Variants in NTRK3 observed in about 807,000 individuals in gnomAD.
NTRK3 encodes neurotrophic receptor tyrosine kinase 3.
Under a neutral mutation model 91.7 loss-of-function variants are expected in NTRK3, and 24 were observed. That is an observed-to-expected ratio of 0.26 (90% CI 0.19 to 0.37). The LOEUF (loss-of-function observed/expected upper bound fraction) is 0.37. NTRK3 is among the 10% of genes least tolerant of loss of function. The probability of loss-of-function intolerance (pLI) is 1.00; values close to 1 mark genes in which losing one functional copy is unlikely to be tolerated. For missense variants in NTRK3, 880 were observed against 1,068.9 expected (o/e 0.82, Z 2.46); for synonymous variants, 483 against 404.0 (o/e 1.20, Z -2.34).
intron 14 of NTRK3, among the ~76,000 whole-genome samples, chr15:87,966,893 G>A (rs995625700): frequency 3.3e-5 from 5 of 152,140 alleles, no homozygotes; most frequent in Admixed American, 1.3e-4. Context: ...GTTTCTCAAC[G>A]TTAATACTGT....
At chr15:88,126,575 T>G (rs764598592) in intron 12 of NTRK3, among the ~76,000 whole-genome samples, 55 of 152,332 alleles carry the variant, frequency 3.6e-4, no homozygotes, top group Non-Finnish European at 7.1e-4. Context: ...TTACCCAATT[T>G]GATTAGAGAA....
At chr15:87,937,670 C>T (rs551036413) in intron 15 of NTRK3, among the ~76,000 whole-genome samples, 58 of 152,020 alleles carry the variant, frequency 3.8e-4, no homozygotes, top group African/African-American at 1.3e-3. Context: ...GAAGATAAAT[C>T]AATTTTATTA....
chr15:87,914,737 T>C lies in NTRK3; in HGVS notation c.2133+14454A>G, dbSNP rs181421028. On this transcript the variant is annotated intron_variant, in intron 17 of 18. Coordinates refer to ENST00000394480, the Ensembl canonical transcript of NTRK3. ...GGGATTGACCCACTGGGTAAGGAAA[T>C]GACCAACTACAAGAACAAACCGGGC... Among the ~76,000 whole-genome samples, 170 of 152,088 alleles carry C rather than the reference T, an allele frequency of 1.1e-3. 2 individuals carry two copies. Among genetic ancestry groups the C allele is most frequent in the African/African-American group, 3.9e-3 (160 of 41,484 alleles).
chr15:88,077,468 C>A (rs2047651143), intron 13 of NTRK3, among the ~76,000 whole-genome samples: 1 of 152,092 alleles, frequency 6.6e-6, no homozygotes. Flanking sequence ...CACGCCTCCC[C>A]ATGGGAGTTT....
chr15:88,084,664 G>C (rs976823849), intron 13 of NTRK3, among the ~76,000 whole-genome samples: 2 of 152,082 alleles, frequency 1.3e-5, no homozygotes, highest in African/African-American at 2.4e-5. Context: ...CTCACCTTGT[G>C]AGTCTCCTCT....
intron 14 of NTRK3, among the ~76,000 whole-genome samples, chr15:88,002,454 A>G (rs1461776646): frequency 6.6e-6 from 1 of 152,066 alleles, no homozygotes; most frequent in African/African-American, 2.4e-5. Flanking sequence ...ATTGCTAGGA[A>G]CTACAGAGGG....
chr15:88,091,714 G>A (rs1381671259), intron 13 of NTRK3, among the ~76,000 whole-genome samples: 2 of 152,192 alleles, frequency 1.3e-5, no homozygotes, highest in African/African-American at 4.8e-5. Flanking sequence ...TGGACACAAG[G>A]GTGGGAGATG....
At chr15:88,053,392 A>C (rs940790607) in intron 13 of NTRK3, among the ~76,000 whole-genome samples, 4 of 152,218 alleles carry the variant, frequency 2.6e-5, no homozygotes, top group Non-Finnish European at 5.9e-5. Flanking sequence ...AGTGGACTTA[A>C]GAGGGTTCCT....
At chr15:88,134,441 C>A (rs1245019175) in intron 10 of NTRK3, among the ~76,000 whole-genome samples, 4 of 152,196 alleles carry the variant, frequency 2.6e-5, no homozygotes, top group Non-Finnish European at 5.9e-5. Flanking sequence ...GACATTAGCA[C>A]TATCATAAGC....
At chr15:87,914,708 G>T (rs1439887339) in intron 17 of NTRK3, among the ~76,000 whole-genome samples, 1 of 152,154 alleles carries the variant, frequency 6.6e-6, no homozygotes, top group Non-Finnish European at 1.5e-5. Context: ...AGATCAGGAA[G>T]TTGGGGATTG....
chr15:88,100,892 A>G (rs982447784), intron 13 of NTRK3, among the ~76,000 whole-genome samples: 1 of 152,366 alleles, frequency 6.6e-6, no homozygotes, highest in East Asian at 1.9e-4. Context: ...CTTAAATGTT[A>G]GACCTAAAAC....
chr15:88,194,005 C>A (rs569393625), intron 3 of NTRK3, among the ~76,000 whole-genome samples: 2 of 152,330 alleles, frequency 1.3e-5, no homozygotes, highest in South Asian at 2.1e-4. Flanking sequence ...ACTGAAACTG[C>A]ACTGTCAAGG....
At chr15:88,114,519 A>G (rs904843206) in intron 13 of NTRK3, among the ~76,000 whole-genome samples, 7 of 152,238 alleles carry the variant, frequency 4.6e-5, no homozygotes, top group African/African-American at 1.7e-4. Flanking sequence ...TATTGCTAAA[A>G]TATCATTCTT....
At chr15:87,920,690 G>A (rs2067792742) in intron 17 of NTRK3, among the ~76,000 whole-genome samples, 1 of 152,108 alleles carries the variant, frequency 6.6e-6, no homozygotes, top group African/African-American at 2.4e-5. Context: ...AGCACCTCTG[G>A]GACTGGTTTT....
intron 13 of NTRK3, among the ~76,000 whole-genome samples, chr15:88,068,730 A>T (rs1402166320): frequency 6.6e-6 from 1 of 152,120 alleles, no homozygotes; most frequent in Non-Finnish European, 1.5e-5. Context: ...CTGCTCAGCA[A>T]CTCAGGACAG....
chr15:88,159,097 C>A (rs1476453058), intron 5 of NTRK3, among the ~76,000 whole-genome samples: 1 of 152,238 alleles, frequency 6.6e-6, no homozygotes, highest in Non-Finnish European at 1.5e-5. Context: ...TGGTGGGAGC[C>A]TGCAGGGGCA....
intron 17 of NTRK3, 61 bp from the exon 19 acceptor site, chr15:87,880,489 G>C (rs2141470814): frequency 1.9e-6 from 3 of 1,561,304 alleles, no homozygotes; most frequent in Non-Finnish European, 2.6e-6. Context: ...AGTGTTATCT[G>C]TCTGCACTCT....
intron 3 of NTRK3, among the ~76,000 whole-genome samples, chr15:88,217,789 C>T (rs1337666493): frequency 1.5e-5 from 2 of 134,314 alleles, no homozygotes; most frequent in African/African-American, 5.6e-5. Flanking sequence ...GGCGGAGTCT[C>T]ACTCTGTCGC....
At chr15:87,893,329 G>A (rs908163624) in intron 17 of NTRK3, among the ~76,000 whole-genome samples, 3 of 152,146 alleles carry the variant, frequency 2.0e-5, no homozygotes, top group Admixed American at 6.5e-5. Context: ...CAAGTCCTTA[G>A]GGCTCACACT....
Sources: gnomAD v4.1 joint callset for allele counts (sites outside exome capture counted in the v4.1 genomes callset) on GRCh38, gnomAD v4.1.1 for gene constraint, MANE v1.5 for transcripts, NCBI Gene and HGNC (gene_info 2026-07-23, HGNC 2026-07-21) for gene names.